The following SVIL variants were observed in gnomAD, a reference collection of about 807,000 sequenced individuals.
The protein encoded by SVIL is supervillin.
SVIL carries 101 observed loss-of-function variants against 240.4 expected under a neutral mutation model. The ratio of observed to expected loss-of-function variants is 0.42; its 90% CI spans 0.36 to 0.50. The LOEUF (loss-of-function observed/expected upper bound fraction) is 0.50, where lower values mean the gene tolerates loss of function less well. Among genes scored for constraint, SVIL ranks in the 20% least tolerant of loss-of-function variants. SVIL has a pLI of 0.01. For synonymous variants in SVIL, 999 were observed against 1,100.0 expected (o/e 0.91, Z 1.82); for missense variants, 2,512 against 2,818.7 (o/e 0.89, Z 2.46).
rs180675013 is a variant in SVIL at position 29,702,775 on chromosome 10, G to C, written c.-399-16124C>G. Reference sequence around the variant, plus strand: ...CCCAGATAGTTCCTGTCCCCACGCAGCTGTTCTCTGAGCTGTCCCTGGTGC... The same window carrying C: ...CCCAGATAGTTCCTGTCCCCACGCACCTGTTCTCTGAGCTGTCCCTGGTGC... On this transcript the variant is annotated intron_variant, in intron 1 of 35. Transcript: ENST00000375400. Among the ~76,000 whole-genome samples, 21 of 152,236 alleles carry C rather than the reference G, an allele frequency of 1.4e-4. 1 individual carries two copies. The East Asian group carries it at 2.1e-3, about 15-fold the overall frequency.
chr10:29,523,322 A>T, intron 15 of SVIL, 129 bp downstream of exon 15: 1 of 818,236 alleles, frequency 1.2e-6, no homozygotes, highest in South Asian at 2.0e-5. Context: ...ATTCCCGCTG[A>T]ACTTTTAACC....
At chr10:29,568,404 G>A (rs1475407221) in intron 2 of SVIL, among the ~76,000 whole-genome samples, 16 of 151,826 alleles carry the variant, frequency 1.1e-4, no homozygotes, top group Admixed American at 1.1e-3. Context: ...TTTTGGTCAA[G>A]GAACAATGTC....
chr10:29,557,386 C>A (rs1373214928), intron 3 of SVIL, among the ~76,000 whole-genome samples: 1 of 152,108 alleles, frequency 6.6e-6, no homozygotes, highest in Non-Finnish European at 1.5e-5. Flanking sequence ...GTGTGAGCCA[C>A]CGCGCCTGGC....
At chr10:29,676,813 C>T (rs1055617377) in intron 2 of SVIL, among the ~76,000 whole-genome samples, 6 of 152,160 alleles carry the variant, frequency 3.9e-5, no homozygotes, top group Non-Finnish European at 7.4e-5. Context: ...CCCATTTGGC[C>T]GTTTGGAGTC....
chr10:29,584,394 C>A (rs1956075045), intron 1 of SVIL, among the ~76,000 whole-genome samples: 1 of 152,242 alleles, frequency 6.6e-6, no homozygotes, highest in Admixed American at 6.5e-5. Flanking sequence ...CTATGAGGAA[C>A]ATCTGAGCAG....
At chr10:29,682,259 G>A (rs1960715515) in intron 2 of SVIL, among the ~76,000 whole-genome samples, 1 of 152,122 alleles carries the variant, frequency 6.6e-6, no homozygotes, top group South Asian at 2.1e-4. Flanking sequence ...CCCACGTGTA[G>A]GTATCTCAGC....
rs1423763820 is a variant in SVIL at position 29,550,726 on chromosome 10, G to C, written c.698C>G (p.Ser233Cys). 1 of 1,614,044 alleles carries C rather than the reference G, an allele frequency of 6.2e-7. No homozygotes were observed. The highest frequency in any genetic ancestry group is 1.3e-5 in the African/African-American group (1 of 74,916). The change falls in exon 6 of 38, where the codon TCT becomes TGT. Residue 233 changes from serine (S) to cysteine (C), a missense_variant. By Grantham distance (112) the Ser-to-Cys change is moderately radical. Around this residue, in one of 3 missense-constraint regions of SVIL, gnomAD observed 1,443 missense variants for 1,486.6 expected, o/e 0.97. Coordinates refer to ENST00000355867, the MANE Select transcript of SVIL (RefSeq NM_021738.3). ...AAESSSTFSF[S>C]GRDSSFTEVP... is the part of the protein sequence containing the mutation. ...TTCAGTGAAGGAGGAGTCTCGCCCA[G>C]AGAAAGAGAAGGTCGAGGAACTCTC... is the stretch of plus-strand genomic sequence containing the variant.
intron 1 of SVIL, among the ~76,000 whole-genome samples, chr10:29,704,197 G>A (rs866147833): frequency 3.3e-5 from 5 of 151,958 alleles, no homozygotes; most frequent in East Asian, 1.9e-4. Context: ...GCTCAAAATC[G>A]TAACCACTCC....
At chr10:29,615,908 ATTTAT>A (rs1331868057) in intron 1 of SVIL, among the ~76,000 whole-genome samples, 1 of 152,210 alleles carries the variant, frequency 6.6e-6, no homozygotes, top group African/African-American at 2.4e-5. Context: ...ACTTCCTCAC[ATTTAT>A]TTCAGCCAAG....
At chr10:29,491,722 G>T (rs2132402614) in intron 21 of SVIL, among the ~76,000 whole-genome samples, 1 of 152,274 alleles carries the variant, frequency 6.6e-6, no homozygotes, top group African/African-American at 2.4e-5. Flanking sequence ...TCCACCTCCA[G>T]CTGCGCGGGC....
intron 10 of SVIL, 118 bp downstream of exon 10, chr10:29,531,136 C>T (rs1951333664): frequency 1.0e-6 from 1 of 965,734 alleles, no homozygotes; most frequent in Non-Finnish European, 1.5e-6. Flanking sequence ...AAACCTGCAG[C>T]AAAGGGAGAC....
intron 3 of SVIL, among the ~76,000 whole-genome samples, chr10:29,555,361 C>T (rs903435276): frequency 7.9e-5 from 12 of 151,646 alleles, no homozygotes; most frequent in African/African-American, 1.9e-4. Flanking sequence ...CACCCTAGGA[C>T]GCATCATCCT....
intron 16 of SVIL, among the ~76,000 whole-genome samples, chr10:29,514,290 G>A (rs1468794101): frequency 6.6e-6 from 1 of 151,666 alleles, no homozygotes; most frequent in Admixed American, 6.6e-5. Flanking sequence ...GGTCTGGAGT[G>A]CAGCGGCACA....
chr10:29,521,668 C>G (rs143710079), intron 16 of SVIL, among the ~76,000 whole-genome samples: 12 of 152,300 alleles, frequency 7.9e-5, no homozygotes, highest in South Asian at 6.2e-4. Context: ...TTTATTCCCA[C>G]TATTGCATCT....
intron 17 of SVIL, among the ~76,000 whole-genome samples, chr10:29,506,635 A>AGAGGGAGGGGACAGAGGCCCTG (rs1441957049): frequency 2.2e-5 from 3 of 136,396 alleles, no homozygotes; most frequent in African/African-American, 5.6e-5. Flanking sequence ...CAGAGGCCCT[A>AGAGGGAGGGGACAGAGGCCCTG]GAGGGAGGGG....
intron 16 of SVIL, among the ~76,000 whole-genome samples, chr10:29,515,472 G>C (rs1211705392): frequency 2.6e-5 from 4 of 152,172 alleles, no homozygotes. Context: ...ATCAATAAAT[G>C]AGACTTTCAA....
chr10:29,728,146 C>G (rs1377367700), intron 1 of SVIL, among the ~76,000 whole-genome samples: 2 of 152,110 alleles, frequency 1.3e-5, no homozygotes, highest in East Asian at 3.9e-4. Context: ...TACACCCACC[C>G]TGGACTGGCC....
intron 2 of SVIL, among the ~76,000 whole-genome samples, chr10:29,668,895 C>A (rs538618590): frequency 6.4e-4 from 98 of 152,256 alleles, no homozygotes; most frequent in Non-Finnish European, 1.2e-3. Context: ...ACACCCAGAC[C>A]AAAAACAATG....
chr10:29,579,940 G>A (rs1438305126), intron 1 of SVIL, among the ~76,000 whole-genome samples: 5 of 151,986 alleles, frequency 3.3e-5, no homozygotes, highest in African/African-American at 4.8e-5. Flanking sequence ...TAGTCTTCTC[G>A]GTGACTTATC....
Sources: gnomAD v4.1 joint callset for allele counts (sites outside exome capture counted in the v4.1 genomes callset) on GRCh38, gnomAD v4.1.1 for gene constraint, gnomAD v4.1.1 regional missense constraint, MANE v1.5 for transcripts, NCBI Gene and HGNC (gene_info 2026-07-23, HGNC 2026-07-21) for gene names.